Variants in PCCA observed in about 807,000 individuals in gnomAD.
The protein encoded by PCCA is propionyl-CoA carboxylase subunit alpha, also known as propionyl-CoA carboxylase alpha chain, mitochondrial.
Under a neutral mutation model 101.3 loss-of-function variants are expected in PCCA, and 74 were observed. The observed-to-expected ratio is 0.73, with a 90% confidence interval of 0.61 to 0.89. The LOEUF (loss-of-function observed/expected upper bound fraction) is 0.89. PCCA is among the 40% of genes least tolerant of loss of function. The pLI, the probability that PCCA is intolerant of heterozygous loss-of-function variation, is 0.00. For synonymous variants in PCCA, 294 were observed against 313.6 expected (o/e 0.94, Z 0.66); for missense variants, 891 against 907.0 (o/e 0.98, Z 0.23).
At chr13:100,432,474 C>T (rs1349626180) in intron 20 of PCCA, among the ~76,000 whole-genome samples, 1 of 152,126 alleles carries the variant, frequency 6.6e-6, no homozygotes, top group East Asian at 1.9e-4. Flanking sequence ...GTTTGTGAAT[C>T]AACAGGCAAA....
intron 12 of PCCA, among the ~76,000 whole-genome samples, chr13:100,280,230 C>T (rs1163344859): frequency 6.6e-6 from 1 of 151,142 alleles, no homozygotes; most frequent in Non-Finnish European, 1.5e-5. Context: ...CATATTTTTG[C>T]TTTATTTTTT....
At chr13:100,360,431 A>G (rs1340470513) in intron 18 of PCCA, among the ~76,000 whole-genome samples, 1 of 152,016 alleles carries the variant, frequency 6.6e-6, no homozygotes, top group African/African-American at 2.4e-5. Flanking sequence ...CACACAGGAA[A>G]GTTAGAGATG....
intron 18 of PCCA, among the ~76,000 whole-genome samples, chr13:100,355,162 T>C (rs1294720656): frequency 6.6e-6 from 1 of 151,922 alleles, no homozygotes; most frequent in African/African-American, 2.4e-5. Context: ...CATACAAAAG[T>C]CAATCGATGT....
intron 12 of PCCA, among the ~76,000 whole-genome samples, chr13:100,297,652 A>G (rs965841240): frequency 1.6e-4 from 24 of 152,202 alleles, no homozygotes; most frequent in African/African-American, 3.9e-4. Flanking sequence ...CAAAACTAAA[A>G]ATAGCAAGTA....
intron 9 of PCCA, among the ~76,000 whole-genome samples, chr13:100,261,995 T>C (rs1194000074): frequency 6.6e-6 from 1 of 152,200 alleles, no homozygotes; most frequent in Non-Finnish European, 1.5e-5. Context: ...TCTTCTGACT[T>C]CTGAATCAAA....
intron 12 of PCCA, among the ~76,000 whole-genome samples, chr13:100,297,586 G>C (rs2152674288): frequency 6.6e-6 from 1 of 152,222 alleles, no homozygotes; most frequent in Admixed American, 6.5e-5. Context: ...AAGAGGGAGT[G>C]GTAAGAGGTA....
At chr13:100,354,345 AGGAGGGAG>A (rs59424979) in intron 18 of PCCA, among the ~76,000 whole-genome samples, 8 of 95,988 alleles carry the variant, frequency 8.3e-5, no homozygotes, top group Admixed American at 3.6e-4. Flanking sequence ...GGGCGGTGGG[AGGAGGGAG>A]GGAGGGAGGG....
chr13:100,498,570 C>T (rs1034962657), intron 21 of PCCA, among the ~76,000 whole-genome samples: 3 of 152,268 alleles, frequency 2.0e-5, no homozygotes, highest in Admixed American at 6.5e-5. Flanking sequence ...ACGTTCACAA[C>T]GCTGTACAAC....
intron 13 of PCCA, 76 bp downstream of exon 13, chr13:100,301,679 G>A: frequency 1.3e-6 from 2 of 1,498,936 alleles, no homozygotes; most frequent in Non-Finnish European, 1.9e-6. Context: ...CAAACAATGA[G>A]GTAAAGTTAG....
At chr13:100,335,512 T>C (rs2070304613) in intron 17 of PCCA, among the ~76,000 whole-genome samples, 1 of 152,206 alleles carries the variant, frequency 6.6e-6, no homozygotes, top group Non-Finnish European at 1.5e-5. Flanking sequence ...CCAGATACCC[T>C]GGGAAATTCC....
At chr13:100,385,655 C>T (rs2152834074) in intron 19 of PCCA, among the ~76,000 whole-genome samples, 1 of 152,312 alleles carries the variant, frequency 6.6e-6, no homozygotes, top group South Asian at 2.1e-4. Context: ...CCAGGTCTTG[C>T]TCTGTTGCCC....
At chr13:100,380,039 A>G (rs918364660) in intron 19 of PCCA, among the ~76,000 whole-genome samples, 1 of 152,152 alleles carries the variant, frequency 6.6e-6, no homozygotes, top group Non-Finnish European at 1.5e-5. Context: ...CTAAACACAC[A>G]CACACACACA....
chr13:100,471,889 G>A (rs1208901277), intron 21 of PCCA, among the ~76,000 whole-genome samples: 1 of 152,148 alleles, frequency 6.6e-6, no homozygotes, highest in Admixed American at 6.5e-5. Context: ...TGTGGGCCTT[G>A]TCTCTTGTGA....
chr13:100,403,827 A>G (rs1343775802), intron 19 of PCCA, among the ~76,000 whole-genome samples: 2 of 152,120 alleles, frequency 1.3e-5, no homozygotes, highest in Non-Finnish European at 2.9e-5. Context: ...AGGAGGGGCC[A>G]GGTTCCTCCC....
chr13:100,474,317 A>T lies in PCCA; in HGVS notation c.1899+25012A>T, dbSNP rs141587879. On this transcript the variant is annotated intron_variant, in intron 21 of 23. Transcript: ENST00000376285. ...TTTATGTATCCGAAAGTTATTTTTG[A>T]TGGTATAGTGAACGTCCTGCTTACT... Among the ~76,000 whole-genome samples the T allele has an allele frequency of 1.5e-4, 23 of 152,264 alleles. No individual in the cohort carries two copies. In the East Asian group the frequency reaches 3.3e-3, roughly 22 times the overall value.
intron 6 of PCCA, among the ~76,000 whole-genome samples, chr13:100,192,966 T>G (rs1346540725): frequency 6.6e-6 from 1 of 152,152 alleles, no homozygotes; most frequent in Non-Finnish European, 1.5e-5. Context: ...TATAAACTCT[T>G]GAGTGTGAAA....
intron 6 of PCCA, among the ~76,000 whole-genome samples, chr13:100,173,951 G>C (rs1423289357): frequency 2.0e-5 from 3 of 152,132 alleles, no homozygotes; most frequent in African/African-American, 7.2e-5. Context: ...CATGATTGTG[G>C]GGCCTCCCCA....
At chr13:100,457,032 C>G (rs1044461601) in intron 21 of PCCA, among the ~76,000 whole-genome samples, 1 of 152,170 alleles carries the variant, frequency 6.6e-6, no homozygotes, top group Non-Finnish European at 1.5e-5. Flanking sequence ...GCGGGCGTGA[C>G]AGAGGGCTCA....
At chr13:100,310,935 T>C (rs541612257) in intron 16 of PCCA, among the ~76,000 whole-genome samples, 41 of 152,284 alleles carry the variant, frequency 2.7e-4, no homozygotes, top group African/African-American at 8.7e-4. Flanking sequence ...TGACGCCATT[T>C]AATAATTATG....
Sources: gnomAD v4.1 joint callset for allele counts (sites outside exome capture counted in the v4.1 genomes callset) on GRCh38, gnomAD v4.1.1 for gene constraint, MANE v1.5 for transcripts, NCBI Gene and HGNC (gene_info 2026-07-23, HGNC 2026-07-21) for gene names.